Variants in MAMDC2 observed in about 807,000 individuals in gnomAD.
MAMDC2 encodes MAM domain-containing protein 2.
In MAMDC2, 57 loss-of-function variants were observed where a neutral mutation model predicts 89.8. The observed-to-expected ratio is 0.63, with a 90% CI of 0.51 to 0.79. The LOEUF is 0.79. Ranked by LOEUF, MAMDC2 falls within the 30% of genes least tolerant of loss-of-function variation. The pLI, the probability that MAMDC2 is intolerant of heterozygous loss-of-function variation, is 0.00. For missense variants in MAMDC2, 800 were observed against 820.6 expected, an observed-to-expected ratio of 0.97 and a Z score of 0.31; for synonymous variants, 313 against 293.4, an observed-to-expected ratio of 1.07 and a Z score of -0.68.
chr9:70,061,299 TA>T (rs1459680695), intron 2 of MAMDC2, among the ~76,000 whole-genome samples: 1 of 152,158 alleles, frequency 6.6e-6, no homozygotes, highest in Middle Eastern at 3.2e-3. Context: ...TTCTGTTGGT[TA>T]AATGGTGTCT....
intron 11 of MAMDC2, among the ~76,000 whole-genome samples, chr9:70,187,679 A>G (rs1476493583): frequency 2.0e-5 from 3 of 152,046 alleles, no homozygotes; most frequent in Non-Finnish European, 4.4e-5. Flanking sequence ...CTGTCTATAT[A>G]GATTTGCCCA....
chr9:70,214,709 G>A (rs554944208), intron 11 of MAMDC2, among the ~76,000 whole-genome samples: 7 of 152,298 alleles, frequency 4.6e-5, no homozygotes, highest in East Asian at 1.9e-4. Flanking sequence ...GCTTGGACCA[G>A]GGTGATAGCA....
intron 11 of MAMDC2, among the ~76,000 whole-genome samples, chr9:70,211,729 C>T (rs928889156): frequency 3.3e-5 from 5 of 152,210 alleles, no homozygotes; most frequent in African/African-American, 9.6e-5. Context: ...TTCAGCTTTT[C>T]TGCTCTGGTT....
At chr9:70,168,521 C>A in intron 9 of MAMDC2, 181 bp from the exon 10 acceptor site, 1 of 550,098 alleles carries the variant, frequency 1.8e-6, no homozygotes, top group Non-Finnish European at 3.2e-6. Flanking sequence ...AAAAGTAATT[C>A]CAGGGTTTTA....
chr9:70,082,840 T>C (rs1297503148), intron 2 of MAMDC2: 1 of 152,160 alleles, frequency 6.6e-6, no homozygotes, highest in East Asian at 1.9e-4. Flanking sequence ...CTTTCAGACC[T>C]GCAAGCTTAA....
Position 70,168,728 on chromosome 9 carries a change from T to C in MAMDC2, c.1431T>C (p.Ser477=), listed in dbSNP as rs370308592. ...TKVVFMSLCK[S]FWDCGLVALD... ...TGGTTTTCATGAGCCTATGCAAAAG[T>C]TTCTGGGACTGTGGGCTTGTAGCCC... Residue 477 remains serine, a synonymous_variant, in exon 10 of 14, where the codon AGT becomes AGC. Coordinates refer to ENST00000377182, the MANE Select transcript of MAMDC2 (RefSeq NM_153267.5). 10 of 1,613,870 alleles carry C rather than the reference T, an allele frequency of 6.2e-6. No homozygotes were observed. The African/African-American group carries it at 1.3e-4, about 22-fold the overall frequency.
chr9:70,166,300 CACACATATATATATATACAT>C (rs1467991958), intron 9 of MAMDC2, among the ~76,000 whole-genome samples: 5 of 96,758 alleles, frequency 5.2e-5, no homozygotes, highest in East Asian at 2.6e-4. Context: ...CACACACACA[CACACATATATATATATACAT>C]ACACATATAT....
intron 2 of MAMDC2, 151 bp downstream of exon 2, chr9:70,044,848 C>T (rs1451479734): frequency 4.2e-6 from 3 of 714,856 alleles, no homozygotes; most frequent in Non-Finnish European, 7.1e-6. Flanking sequence ...CTCAGCTGTG[C>T]TGCAAGGGAT....
intron 2 of MAMDC2, among the ~76,000 whole-genome samples, chr9:70,067,603 C>T (rs753597829): frequency 6.6e-6 from 1 of 152,182 alleles, no homozygotes; most frequent in African/African-American, 2.4e-5. Flanking sequence ...ATTCCAAGCT[C>T]TTTCATCTGA....
intron 11 of MAMDC2, chr9:70,188,762 A>ATATTTTT (rs2032815309): frequency 1.1e-5 from 1 of 95,148 alleles, no homozygotes; most frequent in African/African-American, 4.3e-5. Context: ...AAAACAATTG[A>ATATTTTT]TTTTTTTTTT....
At chr9:70,110,917 A>T (rs1436180474) in intron 4 of MAMDC2, among the ~76,000 whole-genome samples, 1 of 152,216 alleles carries the variant, frequency 6.6e-6, no homozygotes, top group Non-Finnish European at 1.5e-5. Context: ...AATGAATGTG[A>T]CGGGGAAGAG....
intron 11 of MAMDC2, among the ~76,000 whole-genome samples, chr9:70,190,660 T>C (rs1467004331): frequency 6.6e-6 from 1 of 152,050 alleles, no homozygotes; most frequent in Non-Finnish European, 1.5e-5. Context: ...CCTACAGATA[T>C]CTCATTCCCC....
intron 11 of MAMDC2, chr9:70,194,215 G>A (rs2032935407): frequency 6.6e-6 from 1 of 152,076 alleles, no homozygotes; most frequent in East Asian, 1.9e-4. Flanking sequence ...TGACTTCGCT[G>A]AGCCTCAGTT....
intron 11 of MAMDC2, among the ~76,000 whole-genome samples, chr9:70,174,498 T>A (rs1563987018): frequency 6.6e-6 from 1 of 150,976 alleles, no homozygotes; most frequent in Non-Finnish European, 1.5e-5. Context: ...TTGAAAAGAG[T>A]TGAGGTAGCT....
At chr9:70,065,007 G>A (rs926512009) in intron 2 of MAMDC2, among the ~76,000 whole-genome samples, 6 of 152,066 alleles carry the variant, frequency 3.9e-5, no homozygotes, top group Non-Finnish European at 8.8e-5. Flanking sequence ...TAATATTTAG[G>A]GAAAATACTT....
At chr9:70,188,439 A>G (rs957689150) in intron 11 of MAMDC2, 1 of 151,326 alleles carries the variant, frequency 6.6e-6, no homozygotes. Flanking sequence ...TTTCTAATAT[A>G]CCATTTTAAT....
chr9:70,197,578 G>T (rs1230374721), intron 11 of MAMDC2, among the ~76,000 whole-genome samples: 1 of 152,014 alleles, frequency 6.6e-6, no homozygotes. Flanking sequence ...ACAAAATTAT[G>T]GAATATGATC....
At chr9:70,052,066 G>A (rs1276717837) in intron 2 of MAMDC2, among the ~76,000 whole-genome samples, 1 of 152,144 alleles carries the variant, frequency 6.6e-6, no homozygotes, top group African/African-American at 2.4e-5. Context: ...GTCCAGAAAT[G>A]GGACCAGACT....
intron 11 of MAMDC2, among the ~76,000 whole-genome samples, chr9:70,204,083 G>T (rs2033165105): frequency 1.3e-5 from 2 of 151,994 alleles, no homozygotes; most frequent in Admixed American, 6.6e-5. Flanking sequence ...ATCCAGCTTT[G>T]TTCTGTTGCT....
Sources: gnomAD v4.1 joint callset for allele counts (sites outside exome capture counted in the v4.1 genomes callset) on GRCh38, gnomAD v4.1.1 for gene constraint, MANE v1.5 for transcripts, NCBI Gene and HGNC (gene_info 2026-07-23, HGNC 2026-07-21) for gene names.